The following RPRD1A variants were observed in gnomAD, a reference collection of about 807,000 sequenced individuals.
RPRD1A encodes regulation of nuclear pre-mRNA domain containing 1A.
A neutral mutation model predicts 37.8 loss-of-function variants in RPRD1A; 9 were observed. The observed-to-expected ratio is 0.24, with a 90% CI of 0.14 to 0.42. The LOEUF (loss-of-function observed/expected upper bound fraction) is 0.42, where lower values mean the gene tolerates loss of function less well. RPRD1A is among the 10% of genes least tolerant of loss of function. RPRD1A has a pLI of 1.00. For synonymous variants in RPRD1A, 138 were observed against 139.7 expected, an observed-to-expected ratio of 0.99 and a Z score of 0.08; for missense variants, 255 against 371.0, an observed-to-expected ratio of 0.69 and a Z score of 2.57.
chr18:36,012,615 A>G (rs1340320291), intron 6 of RPRD1A, among the ~76,000 whole-genome samples: 1 of 152,218 alleles, frequency 6.6e-6, no homozygotes, highest in East Asian at 1.9e-4. Flanking sequence ...ATGTTCACAC[A>G]ATGAAAAAAT....
At chr18:36,058,154 T>G (rs1913923377) in intron 1 of RPRD1A, among the ~76,000 whole-genome samples, 1 of 152,194 alleles carries the variant, frequency 6.6e-6, no homozygotes, top group African/African-American at 2.4e-5. Context: ...GCAATCCTCC[T>G]ACCTCAGCCT....
intron 1 of RPRD1A, among the ~76,000 whole-genome samples, chr18:36,035,143 G>A (rs1330306909): frequency 6.6e-6 from 1 of 152,124 alleles, no homozygotes; most frequent in East Asian, 1.9e-4. Context: ...CTAACATTCA[G>A]TCCTGTCTCT....
intron 6 of RPRD1A, among the ~76,000 whole-genome samples, chr18:36,010,224 T>G (rs1910090940): frequency 6.6e-6 from 1 of 152,074 alleles, no homozygotes; most frequent in African/African-American, 2.4e-5. Flanking sequence ...TGCCAGCACC[T>G]TTGTGAGGCC....
chr18:36,014,857 A>C (rs1910405591), intron 6 of RPRD1A, among the ~76,000 whole-genome samples: 1 of 152,170 alleles, frequency 6.6e-6, no homozygotes. Context: ...CAATATCATT[A>C]ATTATTAGGG....
Position 36,031,105 on chromosome 18 carries a change from AAAAAAAAAAG to A in RPRD1A, c.282-18_282-9del. 1 of 1,545,502 alleles carries A rather than the reference AAAAAAAAAAG, an allele frequency of 6.5e-7. No homozygotes were observed. Among genetic ancestry groups the A allele is most frequent in the South Asian group, 1.2e-5 (1 of 80,480 alleles). On this transcript the variant is annotated splice_polypyrimidine_tract_variant and intron_variant, in intron 2 of 6. Transcript: ENST00000399022. The stretch of plus-strand genomic sequence containing the variant: ...CAACTTTCATCAGTTTCACTAAAAA[AAAAAAAAAAG>A]AAAAAAAGAAAAATGTTAACAGTAA...
intron 1 of RPRD1A, among the ~76,000 whole-genome samples, chr18:36,048,085 T>TG (rs71166086): frequency 7.1e-6 from 1 of 140,636 alleles, no homozygotes; most frequent in East Asian, 2.0e-4. Flanking sequence ...TTTTTTTTTT[T>TG]GAGACAGTTT....
intron 1 of RPRD1A, among the ~76,000 whole-genome samples, chr18:36,043,892 C>A (rs1005415209): frequency 1.1e-4 from 16 of 152,166 alleles, no homozygotes; most frequent in African/African-American, 3.9e-4. Context: ...CAGTAAAAAA[C>A]CCATGTATAA....
chr18:36,046,447 C>T (rs1912958617), intron 1 of RPRD1A, among the ~76,000 whole-genome samples: 1 of 152,108 alleles, frequency 6.6e-6, no homozygotes, highest in African/African-American at 2.4e-5. Context: ...TACTGGAAAG[C>T]CAGAACTTCT....
chr18:36,001,792 A>G (rs564302533), intron 6 of RPRD1A, among the ~76,000 whole-genome samples: 299 of 152,336 alleles, frequency 2.0e-3, no homozygotes, highest in African/African-American at 7.0e-3. Flanking sequence ...AGTTAGGCAA[A>G]CATTGAACCC....
In RPRD1A at chr18:36,012,061, A is replaced by C. The variant is rs1031671322; in HGVS notation, c.789+14839T>G. 2.6e-5 allele frequency among the ~76,000 whole-genome samples: 4 copies of C among 152,194 alleles called. No homozygotes were observed. The East Asian group carries it at 5.8e-4, about 22-fold the overall frequency. On this transcript the variant is annotated intron_variant, in intron 6 of 6. Coordinates refer to ENST00000399022, the MANE Select transcript of RPRD1A (RefSeq NM_018170.5). ...GTTGTATATGTTACCACCCCCATAC[A>C]ATGTGACTGTATAGAAACAAGAGTA...
intron 6 of RPRD1A, among the ~76,000 whole-genome samples, chr18:36,017,357 G>A (rs989884824): frequency 1.1e-4 from 16 of 152,070 alleles, no homozygotes; most frequent in Non-Finnish European, 1.8e-4. Context: ...GGCTTTTACT[G>A]CTGAGCACAT....
At chr18:36,038,635 G>A (rs1912367671) in intron 1 of RPRD1A, among the ~76,000 whole-genome samples, 1 of 152,204 alleles carries the variant, frequency 6.6e-6, no homozygotes, top group Non-Finnish European at 1.5e-5. Context: ...TTCAAGAAGA[G>A]GGCCACTGTC....
intron 6 of RPRD1A, among the ~76,000 whole-genome samples, chr18:36,015,126 T>TCACACA (rs1238163277): frequency 8.2e-6 from 1 of 122,672 alleles, no homozygotes; most frequent in African/African-American, 3.7e-5. Flanking sequence ...AAGTAGGGTC[T>TCACACA]CACATACACA....
At chr18:36,013,956 G>T (rs1422315502) in intron 6 of RPRD1A, among the ~76,000 whole-genome samples, 1 of 151,874 alleles carries the variant, frequency 6.6e-6, no homozygotes, top group Non-Finnish European at 1.5e-5. Flanking sequence ...TCAGATAATG[G>T]GATATTGTTT....
intron 6 of RPRD1A, among the ~76,000 whole-genome samples, chr18:36,004,441 G>C (rs1293312464): frequency 6.6e-6 from 1 of 151,870 alleles, no homozygotes; most frequent in African/African-American, 2.4e-5. Context: ...TTCTTGTAGA[G>C]ACAAGGTCTT....
intron 1 of RPRD1A, among the ~76,000 whole-genome samples, chr18:36,053,266 C>T (rs1913529008): frequency 6.6e-6 from 1 of 152,060 alleles, no homozygotes; most frequent in African/African-American, 2.4e-5. Flanking sequence ...TAACCATTAC[C>T]TCCATCTAGT....
chr18:36,012,729 G>A (rs1441724537), intron 6 of RPRD1A, among the ~76,000 whole-genome samples: 1 of 152,190 alleles, frequency 6.6e-6, no homozygotes, highest in African/African-American at 2.4e-5. Flanking sequence ...CATTCACTAT[G>A]GGTCTTGGAA....
chr18:36,018,535 A>C (rs530900045), intron 6 of RPRD1A, among the ~76,000 whole-genome samples: 1 of 152,262 alleles, frequency 6.6e-6, no homozygotes, highest in South Asian at 2.1e-4. Flanking sequence ...GGCCTCCCAA[A>C]GTGCTAGGAT....
chr18:36,062,457 T>A, intron 1 of RPRD1A, among the ~76,000 whole-genome samples: 1 of 144,360 alleles, frequency 6.9e-6, no homozygotes, highest in Non-Finnish European at 1.5e-5. Flanking sequence ...GATGAAAACA[T>A]ATCCACAAAA....
Sources: allele counts gnomAD v4.1 joint callset (sites outside exome capture counted in the v4.1 genomes callset), GRCh38; gene constraint gnomAD v4.1.1; transcripts MANE v1.5; gene names NCBI Gene and HGNC (gene_info 2026-07-23, HGNC 2026-07-21).